HMHB1: variants seen among roughly 807,000 people sequenced by gnomAD.
The protein encoded by HMHB1 is histocompatibility minor HB-1.
HMHB1 carries 4 observed loss-of-function variants against 2.4 expected under a neutral mutation model. The observed-to-expected ratio is 1.65, with a 90% CI of 0.81 to 3.77. The LOEUF is 3.77. Ranked by LOEUF, HMHB1 falls within the 30% of genes most tolerant of loss-of-function variation. HMHB1 has a pLI of 0.01. For synonymous variants in HMHB1, 22 were observed against 17.6 expected (o/e 1.25, Z -0.63); for missense variants, 57 against 44.2 (o/e 1.29, Z -0.82).
At chr5:143,816,663 A>G (rs142127239) in intron 1 of HMHB1, among the ~76,000 whole-genome samples, 244 of 152,268 alleles carry the variant, frequency 1.6e-3, no homozygotes, top group Non-Finnish European at 3.1e-3. Context: ...TGCTATAAAC[A>G]TGTGTGTGCA....
At chr5:143,816,766 T>G (rs192621276) in intron 1 of HMHB1, among the ~76,000 whole-genome samples, 51 of 152,358 alleles carry the variant, frequency 3.3e-4, no homozygotes, top group African/African-American at 8.9e-4. Flanking sequence ...TTTAGTTCTT[T>G]AAAGAATCTT....
At chr5:143,812,958 T>A (rs986928402) in intron 1 of HMHB1, among the ~76,000 whole-genome samples, 5 of 151,622 alleles carry the variant, frequency 3.3e-5, no homozygotes, top group Non-Finnish European at 7.4e-5. Flanking sequence ...GTGTTTTTTG[T>A]TTGTTTGTTT....
intron 1 of HMHB1, among the ~76,000 whole-genome samples, chr5:143,816,884 G>T (rs1402974735): frequency 6.6e-5 from 10 of 152,150 alleles, no homozygotes; most frequent in South Asian, 2.1e-4. Context: ...TTGATTTTTT[G>T]ATTATAGCCA....
At chr5:143,814,960 G>A (rs1308660190) in intron 1 of HMHB1, among the ~76,000 whole-genome samples, 4 of 152,082 alleles carry the variant, frequency 2.6e-5, no homozygotes, top group Non-Finnish European at 5.9e-5. Context: ...TTGTTATCCC[G>A]TCAAACCTTT....
rs193008018 is a variant in HMHB1 at position 143,815,913 on chromosome 5, A to G, written c.37+3609A>G. On this transcript the variant is annotated intron_variant, in intron 1 of 1. Transcript: ENST00000289448. Reference sequence around the variant, plus strand: ...AGTAGAGACGGGGTTTCACCTTGTTAGCCAGGATGGTCTCGATCTCCTGAC... The same window carrying G: ...AGTAGAGACGGGGTTTCACCTTGTTGGCCAGGATGGTCTCGATCTCCTGAC... Among the ~76,000 whole-genome samples, 723 of 144,488 alleles carry G rather than the reference A, an allele frequency of 5.0e-3. 14 individuals carry two copies. The highest frequency in any genetic ancestry group is 0.014 in the African/African-American group (527 of 36,540). 94.8% of individuals were successfully genotyped at this position (144,488 alleles called of 152,430 possible). A position where few individuals can be genotyped will look rare whatever the true frequency, so the allele number is the denominator to read the frequency against.
At chr5:143,820,318 T>TAAAAAAAAACAAAAAAAAAAAAAAAAAA (rs1759794269) in intron 1 of HMHB1, among the ~76,000 whole-genome samples, 162 bp from the exon 2 acceptor site, 1 of 47,564 alleles carries the variant, frequency 2.1e-5, no homozygotes, top group Non-Finnish European at 4.1e-5. Flanking sequence ...TCATCATAAG[T>TAAAAAAAAACAAAAAAAAAAAAAAAAAA]AAAAAAAAAA....
chr5:143,820,350 A>C (rs760633474), intron 1 of HMHB1, 130 bp from the exon 2 acceptor site: 11 of 197,688 alleles, frequency 5.6e-5, no homozygotes, highest in East Asian at 1.1e-4. Context: ...AAAAAAAAAA[A>C]CAGAACAAAA....
At chr5:143,818,926 G>A (rs1759777677) in intron 1 of HMHB1, among the ~76,000 whole-genome samples, 1 of 152,194 alleles carries the variant, frequency 6.6e-6, no homozygotes, top group African/African-American at 2.4e-5. Context: ...TACAAGGATA[G>A]AGGAGTATCG....
chr5:143,820,645 G>A lies in HMHB1; in HGVS notation c.*77G>A. The A allele has an allele frequency of 1.1e-6, 1 of 929,204 alleles. No homozygotes were observed. The highest frequency in any genetic ancestry group is 1.8e-6 in the Non-Finnish European group (1 of 565,076). The allele number at this position is 929,204 out of a possible 1,614,324, so 57.6% of individuals were successfully genotyped here. A position where few individuals can be genotyped will look rare whatever the true frequency, so the allele number is the denominator to read the frequency against. ...GGGACAAATTGCTGAGCATGAAGAA[G>A]AGTAAAATTAAGCAAGTGGAACATA... On this transcript the variant is annotated 3_prime_UTR_variant, in exon 2 of 2. Transcript: ENST00000289448.
intron 1 of HMHB1, among the ~76,000 whole-genome samples, chr5:143,819,659 G>A (rs1416423135): frequency 1.3e-5 from 2 of 151,802 alleles, no homozygotes; most frequent in Non-Finnish European, 1.5e-5. Flanking sequence ...AAAAGGTGGG[G>A]GGCGGTGGGG....
In HMHB1 at chr5:143,816,268, T is replaced by C. The variant is rs561810976; in HGVS notation, c.37+3964T>C. Among the ~76,000 whole-genome samples the C allele has an allele frequency of 6.6e-5, 10 of 152,216 alleles. No homozygotes were observed. The East Asian group carries it at 9.6e-4, about 15-fold the overall frequency. ...TGTTTGGTTACATGAGTCAGTTCTT[T>C]AGTGGTGATTTCTGAGATTTTGGTG... is the stretch of plus-strand genomic sequence containing the variant. On this transcript the variant is annotated intron_variant, in intron 1 of 1. Transcript: ENST00000289448.
intron 1 of HMHB1, among the ~76,000 whole-genome samples, chr5:143,819,394 C>A (rs1659999065): frequency 6.6e-6 from 1 of 152,182 alleles, no homozygotes; most frequent in South Asian, 2.1e-4. Context: ...GAGAGGAATC[C>A]TTATCCGTAT....
At position 143,812,174 on chromosome 5, in the gene HMHB1, GGC is replaced by G; in HGVS notation, c.-93_-92del. 8.8e-7 allele frequency: 1 copy of G among 1,133,220 alleles called. No homozygotes were observed. The highest frequency in any genetic ancestry group is 1.3e-6 in the Non-Finnish European group (1 of 775,784). The allele number at this position is 1,133,220 out of a possible 1,614,324, so 70.2% of individuals were successfully genotyped here. A position where few individuals can be genotyped will look rare whatever the true frequency, so the allele number is the denominator to read the frequency against. ...CAGATGAGGAAACCACATCCCAGGA[GGC>G]CGAGGCGGCTTGCCCCGCATCTCAG... On this transcript the variant is annotated 5_prime_UTR_variant, in exon 1 of 2. Coordinates refer to ENST00000289448, the MANE Select transcript of HMHB1 (RefSeq NM_021182.3).
At chr5:143,812,880 G>A (rs780932185) in intron 1 of HMHB1, among the ~76,000 whole-genome samples, 1 of 152,156 alleles carries the variant, frequency 6.6e-6, no homozygotes, top group Non-Finnish European at 1.5e-5. Context: ...ATAAAGACAC[G>A]ATGGCTTCAT....
chr5:143,813,269 T>G (rs1759712803), intron 1 of HMHB1, among the ~76,000 whole-genome samples: 1 of 152,250 alleles, frequency 6.6e-6, no homozygotes, highest in African/African-American at 2.4e-5. Context: ...ACTACCGACC[T>G]TCCCTTTTTT....
intron 1 of HMHB1, 146 bp from the exon 2 acceptor site, chr5:143,820,334 A>AAAAAAAAC: frequency 3.0e-6 from 1 of 331,984 alleles, no homozygotes; most frequent in African/African-American, 2.7e-5. Context: ...AAAAAAAAAA[A>AAAAAAAAC]AAAAAAAAAA....
chr5:143,820,345 A>AC, intron 1 of HMHB1, 135 bp from the exon 2 acceptor site: 1 of 292,780 alleles, frequency 3.4e-6, no homozygotes, highest in Non-Finnish European at 6.3e-6. Context: ...AAAAAAAAAA[A>AC]AAAAACAGAA....
chr5:143,814,032 A>G (rs1303502061), intron 1 of HMHB1, among the ~76,000 whole-genome samples: 1 of 152,194 alleles, frequency 6.6e-6, no homozygotes, highest in African/African-American at 2.4e-5. Flanking sequence ...TCATAGCATC[A>G]TTCTTACTGA....
chr5:143,815,799 C>G (rs1032050607), intron 1 of HMHB1, among the ~76,000 whole-genome samples: 1 of 150,454 alleles, frequency 6.6e-6, no homozygotes, highest in African/African-American at 2.5e-5. Flanking sequence ...CTCCGCTTCC[C>G]GGGTTCACGC....
Sources: allele counts gnomAD v4.1 joint callset (sites outside exome capture counted in the v4.1 genomes callset), GRCh38; gene constraint gnomAD v4.1.1; transcripts MANE v1.5; gene names NCBI Gene and HGNC (gene_info 2026-07-23, HGNC 2026-07-21).